FOXN3: variants seen among roughly 807,000 people sequenced by gnomAD.
FOXN3 encodes the protein forkhead box N3, also known as forkhead box protein N3.
A neutral mutation model predicts 38.4 loss-of-function variants in FOXN3; 7 were observed. The ratio of observed to expected loss-of-function variants is 0.18; its 90% CI spans 0.10 to 0.34. The LOEUF (loss-of-function observed/expected upper bound fraction) is 0.34, where lower values mean the gene tolerates loss of function less well. FOXN3 is among the 10% of genes least tolerant of loss of function. The pLI, the probability that FOXN3 is intolerant of heterozygous loss-of-function variation, is 1.00. For synonymous variants in FOXN3, 230 were observed against 242.2 expected (o/e 0.95, Z 0.47); for missense variants, 456 against 613.4 (o/e 0.74, Z 2.71).
At chr14:89,291,321 T>C in intron 3 of FOXN3, 1 of 531,014 alleles carries the variant, frequency 1.9e-6, no homozygotes, top group Non-Finnish European at 3.7e-6. Flanking sequence ...TCTCTCGGGG[T>C]TGTTGGTCAT....
chr14:89,573,385 G>A (rs1895534711), intron 1 of FOXN3, among the ~76,000 whole-genome samples: 1 of 152,172 alleles, frequency 6.6e-6, no homozygotes, highest in Admixed American at 6.5e-5. Context: ...TGTCTGTGAA[G>A]TTTATTATCA....
At chr14:89,285,863 A>AT (rs34767285) in intron 3 of FOXN3, among the ~76,000 whole-genome samples, 3,344 of 145,914 alleles carry the variant, frequency 0.023, 127 homozygotes, top group African/African-American at 0.077. Context: ...TTTACCAAAA[A>AT]TTTTTTTTTT....
chr14:89,244,571 T>C (rs1885236224), intron 4 of FOXN3, among the ~76,000 whole-genome samples: 1 of 152,162 alleles, frequency 6.6e-6, no homozygotes, highest in African/African-American at 2.4e-5. Flanking sequence ...CAAAAAGAAA[T>C]TGGCCCTTCA....
intron 4 of FOXN3, among the ~76,000 whole-genome samples, chr14:89,266,798 G>T (rs1405121116): frequency 6.6e-6 from 1 of 152,056 alleles, no homozygotes; most frequent in Non-Finnish European, 1.5e-5. Context: ...CTACCCTCCT[G>T]ACCGGCTCAA....
chr14:89,618,775 C>CTTT (rs10649488), intron 1 of FOXN3, among the ~76,000 whole-genome samples: 68 of 145,656 alleles, frequency 4.7e-4, no homozygotes, highest in East Asian at 4.2e-3. Flanking sequence ...TCCTAAGAAA[C>CTTT]TTTTTTTTTT....
Position 89,352,729 on chromosome 14 carries a change from T to C in FOXN3, c.544-1921A>G, listed in dbSNP as rs28533935. Among the ~76,000 whole-genome samples, 404 of 152,304 alleles carry C rather than the reference T, an allele frequency of 2.7e-3. 1 individual carries two copies. The highest frequency in any genetic ancestry group is 9.2e-3 in the African/African-American group (384 of 41,560). On this transcript the variant is annotated intron_variant, in intron 2 of 5. Coordinates refer to ENST00000557258, the MANE Select transcript of FOXN3 (RefSeq NM_005197.4). ...ATGGTGGCTTTCAGGGTGGGACCATTTAATCTTAACGCTACAAAAATAATA... is the reference window on the plus strand; with the variant it reads ...ATGGTGGCTTTCAGGGTGGGACCATCTAATCTTAACGCTACAAAAATAATA...
chr14:89,266,493 G>A (rs1596141771), intron 4 of FOXN3, among the ~76,000 whole-genome samples: 1 of 152,132 alleles, frequency 6.6e-6, no homozygotes, highest in Non-Finnish European at 1.5e-5. Flanking sequence ...CGGCTGGGGG[G>A]GCGGTGGAGA....
At chr14:89,585,782 G>GAAGA (rs1252644324) in intron 1 of FOXN3, among the ~76,000 whole-genome samples, 17 of 151,058 alleles carry the variant, frequency 1.1e-4, no homozygotes, top group African/African-American at 3.9e-4. Context: ...AGAAAGGAAG[G>GAAGA]AAGAAAGAAA....
intron 3 of FOXN3, among the ~76,000 whole-genome samples, chr14:89,304,030 TG>T (rs1887299632): frequency 6.6e-6 from 1 of 152,212 alleles, no homozygotes. Flanking sequence ...TGTTGATAGT[TG>T]AAGGCAGCCG....
intron 1 of FOXN3, among the ~76,000 whole-genome samples, chr14:89,481,463 C>T (rs1295332171): frequency 6.6e-6 from 1 of 152,070 alleles, no homozygotes; most frequent in African/African-American, 2.4e-5. Context: ...ACGGCTGGAA[C>T]TTTCTACCAG....
chr14:89,291,591 C>A, intron 3 of FOXN3: 1 of 529,952 alleles, frequency 1.9e-6, no homozygotes, highest in Non-Finnish European at 3.7e-6. Flanking sequence ...TACATGTCTG[C>A]CATTCTGCTT....
At chr14:89,325,356 C>CACCACCACCACCACCACCACCACT (rs1555418118) in intron 3 of FOXN3, among the ~76,000 whole-genome samples, 2 of 91,796 alleles carry the variant, frequency 2.2e-5, no homozygotes, top group South Asian at 4.9e-4. Context: ...CCACCACCAC[C>CACCACCACCACCACCACCACCACT]ACCACTACCA....
chr14:89,247,526 CT>C (rs1885333013), intron 4 of FOXN3, among the ~76,000 whole-genome samples: 1 of 152,182 alleles, frequency 6.6e-6, no homozygotes, highest in Non-Finnish European at 1.5e-5. Flanking sequence ...GAAAGGATGT[CT>C]AGTGCAAGGT....
chr14:89,429,147 G>A (rs1055525637), intron 1 of FOXN3, among the ~76,000 whole-genome samples: 3 of 152,192 alleles, frequency 2.0e-5, no homozygotes, highest in Non-Finnish European at 2.9e-5. Context: ...CTGGACCTCC[G>A]TGTTGGCTGC....
intron 2 of FOXN3, among the ~76,000 whole-genome samples, chr14:89,395,743 C>T (rs1044810583): frequency 1.3e-5 from 2 of 151,972 alleles, no homozygotes; most frequent in South Asian, 4.1e-4. Flanking sequence ...TACCTTATTA[C>T]TATTTATTAA....
At chr14:89,615,168 G>A (rs1041624872) in intron 1 of FOXN3, among the ~76,000 whole-genome samples, 10 of 113,760 alleles carry the variant, frequency 8.8e-5, no homozygotes, top group East Asian at 3.0e-4. Context: ...TATACCTAAC[G>A]TGTATTCTTT....
chr14:89,417,665 A>G (rs989750641), upstream of FOXN3: 2 of 455,824 alleles, frequency 4.4e-6, no homozygotes, highest in Admixed American at 2.4e-5. Context: ...AAGTAAAAAT[A>G]AAAAGAATTA....
intron 2 of FOXN3, among the ~76,000 whole-genome samples, chr14:89,376,993 C>A (rs1340999797): frequency 2.0e-5 from 2 of 101,378 alleles, no homozygotes; most frequent in Non-Finnish European, 2.0e-5. Flanking sequence ...TGCACTCCGG[C>A]CTGAGCAAAA....
chr14:89,363,424 T>C (rs1048508600), intron 2 of FOXN3, among the ~76,000 whole-genome samples: 29 of 152,194 alleles, frequency 1.9e-4, no homozygotes, highest in African/African-American at 7.0e-4. Context: ...CCAGAGAACA[T>C]TCTGGAAAGA....
Sources: allele counts gnomAD v4.1 joint callset (sites outside exome capture counted in the v4.1 genomes callset), GRCh38; gene constraint gnomAD v4.1.1; transcripts MANE v1.5; gene names NCBI Gene and HGNC (gene_info 2026-07-23, HGNC 2026-07-21).